Variants in EPHB1 observed in about 807,000 individuals in gnomAD.
EPHB1 encodes EPH receptor B1.
A neutral mutation model predicts 94.4 loss-of-function variants in EPHB1; 30 were observed. The observed-to-expected ratio is 0.32, with a 90% confidence interval of 0.24 to 0.43. The LOEUF is 0.43. Among genes scored for constraint, EPHB1 ranks in the 20% least tolerant of loss-of-function variants. EPHB1 has a pLI of 1.00. For missense variants in EPHB1, 1,055 were observed against 1,308.3 expected (o/e 0.81, Z 2.99); for synonymous variants, 522 against 489.1 (o/e 1.07, Z -0.89).
At chr3:135,192,415 C>A (rs953715452) in intron 10 of EPHB1, among the ~76,000 whole-genome samples, 161 bp from the exon 11 acceptor site, 3 of 48,238 alleles carry the variant, frequency 6.2e-5, no homozygotes, top group African/African-American at 3.5e-4. Flanking sequence ...GAACTGGTTA[C>A]AGCCAAAACA....
intron 3 of EPHB1, among the ~76,000 whole-genome samples, chr3:134,953,852 G>T (rs1313676964): frequency 2.0e-5 from 3 of 152,204 alleles, no homozygotes; most frequent in Admixed American, 2.0e-4. Flanking sequence ...GTTACCTCCT[G>T]TGGCTGTCCT....
chr3:135,096,831 C>G (rs1031584372), intron 3 of EPHB1, among the ~76,000 whole-genome samples: 1 of 152,210 alleles, frequency 6.6e-6, no homozygotes, highest in Non-Finnish European at 1.5e-5. Context: ...GGCACAATGG[C>G]TCATGCCTGT....
chr3:134,855,965 C>A (rs1328356987), intron 1 of EPHB1, among the ~76,000 whole-genome samples: 1 of 152,152 alleles, frequency 6.6e-6, no homozygotes, highest in African/African-American at 2.4e-5. Context: ...TATTCAAGGT[C>A]ATGTAGCTAC....
At chr3:134,915,795 C>T (rs2038556622) in intron 1 of EPHB1, among the ~76,000 whole-genome samples, 2 of 152,122 alleles carry the variant, frequency 1.3e-5, no homozygotes, top group South Asian at 4.1e-4. Flanking sequence ...AAGCTGCAGA[C>T]CTTCGCGGTG....
At chr3:134,835,340 A>G (rs2036653951) in intron 1 of EPHB1, among the ~76,000 whole-genome samples, 1 of 152,216 alleles carries the variant, frequency 6.6e-6, no homozygotes, top group Non-Finnish European at 1.5e-5. Flanking sequence ...ACAGCATTTA[A>G]TGGTAGTAGA....
At chr3:135,003,076 G>A (rs1100571) in intron 3 of EPHB1, among the ~76,000 whole-genome samples, 1,227 of 130,944 alleles carry the variant, frequency 9.4e-3, no homozygotes, top group African/African-American at 0.015. Flanking sequence ...GATCTCTCCT[G>A]CTTTCTCTTG....
intron 3 of EPHB1, among the ~76,000 whole-genome samples, chr3:134,979,230 C>T (rs1440000037): frequency 1.0e-5 from 1 of 100,074 alleles, no homozygotes; most frequent in African/African-American, 5.7e-5. Flanking sequence ...AAGAAGAAAT[C>T]AAGTGATTAG....
chr3:134,801,073 C>T (rs1441717029), intron 1 of EPHB1, among the ~76,000 whole-genome samples: 1 of 152,160 alleles, frequency 6.6e-6, no homozygotes, highest in African/African-American at 2.4e-5. Context: ...CTGACTCTGC[C>T]ATTGGGCATT....
At chr3:135,152,666 ACTGGGGAGTCT>A (rs144880958) in intron 5 of EPHB1, among the ~76,000 whole-genome samples, 2,921 of 152,234 alleles carry the variant, frequency 0.019, 79 homozygotes, top group African/African-American at 0.067. Flanking sequence ...TGGAAAGGCC[ACTGGGGAGTCT>A]CTGATTGGAA....
chr3:135,094,421 GC>G (rs1476125875), intron 3 of EPHB1, among the ~76,000 whole-genome samples: 2 of 152,050 alleles, frequency 1.3e-5, no homozygotes, highest in Non-Finnish European at 2.9e-5. Context: ...GTCTGTGGGG[GC>G]AGATCGACAT....
At chr3:134,988,705 A>AT (rs1934691568) in intron 3 of EPHB1, among the ~76,000 whole-genome samples, 1 of 152,194 alleles carries the variant, frequency 6.6e-6, no homozygotes, top group Non-Finnish European at 1.5e-5. Flanking sequence ...AGTGATTTGT[A>AT]TGTATAGTAA....
intron 2 of EPHB1, among the ~76,000 whole-genome samples, chr3:134,944,760 C>T (rs944825715): frequency 3.3e-5 from 4 of 122,572 alleles, no homozygotes; most frequent in African/African-American, 6.7e-5. Context: ...CCTAATTTCA[C>T]GTAGATAAAA....
chr3:135,192,818 C>A lies in EPHB1; in HGVS notation c.2125C>A (p.Leu709Ile). 6.2e-7 allele frequency: 1 copy of A among 1,613,656 alleles called. No individual in the cohort carries two copies. The highest frequency in any genetic ancestry group is 8.5e-7 in the Non-Finnish European group (1 of 1,179,644). ...FMENGALDSF[L>I]RQNDGQFTVI... ...GGAGAATGGTGCATTGGATTCTTTCCTCAGGGTAAGAGCAACTCAGGGGTT... is the reference window on the plus strand; with the variant it reads ...GGAGAATGGTGCATTGGATTCTTTCATCAGGGTAAGAGCAACTCAGGGGTT... The change falls in exon 11 of 16, where the codon CTC becomes ATC. Residue 709 changes from leucine (L) to isoleucine (I), a missense_variant. Physicochemically the swap from Leu to Ile is conservative, Grantham distance 5. Coordinates refer to ENST00000398015, the MANE Select transcript of EPHB1 (RefSeq NM_004441.5).
chr3:135,040,942 G>C (rs1936814292), intron 3 of EPHB1, among the ~76,000 whole-genome samples: 1 of 152,166 alleles, frequency 6.6e-6, no homozygotes. Context: ...GGAATTTTAT[G>C]GGGGATTAGT....
Position 134,921,944 on chromosome 3 carries a change from G to A in EPHB1, c.59-3872G>A, listed in dbSNP as rs187920262. On this transcript the variant is annotated intron_variant, in intron 1 of 15. Coordinates refer to ENST00000398015, the MANE Select transcript of EPHB1 (RefSeq NM_004441.5). The stretch of plus-strand genomic sequence containing the variant: ...CACGAGCAAGGTCATATCTCTTCTA[G>A]GTAGTGAAGATGGGACTTGGGACCT... Among the ~76,000 whole-genome samples the A allele has an allele frequency of 5.3e-5, 8 of 152,280 alleles. No individual in the cohort carries two copies. In the East Asian group the frequency reaches 1.5e-3, roughly 29 times the overall value.
intron 3 of EPHB1, among the ~76,000 whole-genome samples, chr3:134,995,877 TAAAG>T (rs1335667002): frequency 6.6e-6 from 1 of 152,196 alleles, no homozygotes; most frequent in Admixed American, 6.5e-5. Flanking sequence ...CAAATAAACA[TAAAG>T]AAACTATCTC....
chr3:134,980,879 T>C (rs989805560), intron 3 of EPHB1, among the ~76,000 whole-genome samples: 2 of 152,222 alleles, frequency 1.3e-5, no homozygotes, highest in Non-Finnish European at 2.9e-5. Context: ...ATATTTCCTC[T>C]GCCACAATCC....
chr3:135,061,764 C>A (rs1231779711), intron 3 of EPHB1, among the ~76,000 whole-genome samples: 2 of 152,122 alleles, frequency 1.3e-5, no homozygotes, highest in African/African-American at 4.8e-5. Flanking sequence ...CACACCACAA[C>A]AGGCCCTGGT....
chr3:134,973,199 G>A (rs1934046012), intron 3 of EPHB1, among the ~76,000 whole-genome samples: 2 of 152,172 alleles, frequency 1.3e-5, no homozygotes, highest in African/African-American at 2.4e-5. Flanking sequence ...TCCAAGGGCA[G>A]ACACACAACA....
Sources: allele counts gnomAD v4.1 joint callset (sites outside exome capture counted in the v4.1 genomes callset), GRCh38; gene constraint gnomAD v4.1.1; transcripts MANE v1.5; gene names NCBI Gene and HGNC (gene_info 2026-07-23, HGNC 2026-07-21).